The following SH3BP5 variants were observed in gnomAD, a reference collection of about 807,000 sequenced individuals.
SH3BP5 encodes SH3 domain-binding protein 5.
In SH3BP5, 22 loss-of-function variants were observed where a neutral mutation model predicts 43.3. The ratio of observed to expected loss-of-function variants is 0.51; its 90% confidence interval spans 0.36 to 0.73. The LOEUF (loss-of-function observed/expected upper bound fraction) is 0.73, where lower values mean the gene tolerates loss of function less well. Ranked by LOEUF, SH3BP5 falls within the 30% of genes least tolerant of loss-of-function variation. The probability of loss-of-function intolerance (pLI) is 0.00; values close to 1 mark genes in which losing one functional copy is unlikely to be tolerated. For synonymous variants in SH3BP5, 255 were observed against 225.8 expected (o/e 1.13, Z -1.16); for missense variants, 529 against 586.9 (o/e 0.90, Z 1.02).
chr3:15,284,776 G>A (rs961883903), intron 3 of SH3BP5, among the ~76,000 whole-genome samples: 6 of 152,194 alleles, frequency 3.9e-5, no homozygotes, highest in Non-Finnish European at 8.8e-5. Context: ...AACTCACTCT[G>A]CAACTCAGAA....
rs556547757 is a variant in SH3BP5, at chr3:15,330,835, G to T, written c.139-269C>A. The T allele has an allele frequency of 7.7e-5, 55 of 710,986 alleles. 1 individual carries two copies. The African/African-American group carries it at 9.4e-4, about 12-fold the overall frequency. 44.0% of individuals were successfully genotyped at this position (710,986 alleles called of 1,614,324 possible). On this transcript the variant is annotated intron_variant, in intron 1 of 8. Transcript: ENST00000383791. ...CAGAGGTCAACTATTCCAGGTACAT[G>T]CCTTCAGGTAAACCCCACCTGTTAC...
At chr3:15,306,136 C>T (rs562281411) in intron 2 of SH3BP5, among the ~76,000 whole-genome samples, 1 of 151,858 alleles carries the variant, frequency 6.6e-6, no homozygotes, top group South Asian at 2.1e-4. Context: ...ACGGGTGGAT[C>T]ATGAGGTCAG....
At chr3:15,325,238 T>C (rs1698430793) in intron 2 of SH3BP5, among the ~76,000 whole-genome samples, 1 of 152,226 alleles carries the variant, frequency 6.6e-6, no homozygotes, top group Admixed American at 6.5e-5. Context: ...ACCTATAAAA[T>C]AGGCATTTAA....
intron 2 of SH3BP5, among the ~76,000 whole-genome samples, chr3:15,321,618 C>T (rs975165609): frequency 7.1e-6 from 1 of 141,512 alleles, no homozygotes; most frequent in Non-Finnish European, 1.5e-5. Context: ...GAAATGAAAA[C>T]TAAAAATCAC....
At chr3:15,337,184 A>C (rs1212552643), upstream of SH3BP5, among the ~76,000 whole-genome samples, 1 of 145,042 alleles carries the variant, frequency 6.9e-6, no homozygotes, top group Non-Finnish European at 1.5e-5. Context: ...TCCTGGGTTC[A>C]AGCTATTCTC....
Position 15,258,836 on chromosome 3 carries a change from AT to A in SH3BP5, c.883del (p.Ile295PhefsTer48). 6.2e-7 allele frequency: 1 copy of A among 1,613,324 alleles called. No homozygotes were observed. Among genetic ancestry groups the A allele is most frequent in the Non-Finnish European group, 8.5e-7 (1 of 1,179,520 alleles). Reference sequence around the variant, plus strand: ...CAGTGGAGCCCCTGACTTACCAGAAATGGCATCAGGCTCAGGTTTGCTCCCT... The same window carrying A: ...CAGTGGAGCCCCTGACTTACCAGAAAGGCATCAGGCTCAGGTTTGCTCCCT... ...LPGSKPEPDA[I>X]SVASEAFEDD... is the part of the protein sequence containing the mutation. On this transcript the variant is annotated frameshift_variant, in exon 7 of 9. Coordinates refer to ENST00000383791, the MANE Select transcript of SH3BP5 (RefSeq NM_004844.5). LOFTEE classifies it high-confidence loss of function.
chr3:15,270,875 G>A (rs369722164), intron 3 of SH3BP5, among the ~76,000 whole-genome samples: 70 of 144,210 alleles, frequency 4.9e-4, no homozygotes, highest in African/African-American at 1.6e-3. Context: ...GCAGTGAGCC[G>A]AGATTGCACC....
chr3:15,279,339 G>A (rs1403240814), intron 3 of SH3BP5, among the ~76,000 whole-genome samples: 6 of 152,126 alleles, frequency 3.9e-5, no homozygotes, highest in Admixed American at 3.9e-4. Context: ...TCTATGGTAT[G>A]TATCTACCCT....
intron 1 of SH3BP5, among the ~76,000 whole-genome samples, chr3:15,340,792 C>T (rs1044856572): frequency 1.3e-5 from 2 of 151,962 alleles, no homozygotes; most frequent in African/African-American, 4.8e-5. Flanking sequence ...GTGGCTCACA[C>T]CTGTAATCCT....
intron 2 of SH3BP5, among the ~76,000 whole-genome samples, chr3:15,311,351 T>C (rs1698052782): frequency 6.6e-6 from 1 of 151,996 alleles, no homozygotes; most frequent in Non-Finnish European, 1.5e-5. Flanking sequence ...TCACCTGAGG[T>C]CAGGAGTTCG....
chr3:15,308,225 G>C (rs1237862858), intron 2 of SH3BP5, among the ~76,000 whole-genome samples: 1 of 152,200 alleles, frequency 6.6e-6, no homozygotes, highest in Non-Finnish European at 1.5e-5. Context: ...CCTTTGTGGA[G>C]AAAGAAGGAT....
intron 3 of SH3BP5, among the ~76,000 whole-genome samples, chr3:15,270,191 C>G (rs1266201463): frequency 1.3e-5 from 2 of 152,238 alleles, no homozygotes; most frequent in Non-Finnish European, 2.9e-5. Flanking sequence ...ACCCCACAGC[C>G]TTTCTCAGAA....
chr3:15,276,723 A>G (rs1696981285), intron 3 of SH3BP5, among the ~76,000 whole-genome samples: 1 of 152,186 alleles, frequency 6.6e-6, no homozygotes, highest in African/African-American at 2.4e-5. Flanking sequence ...AGCTCTCAAG[A>G]CCAGACCAAC....
chr3:15,304,393 A>C, intron 2 of SH3BP5, 162 bp from the exon 3 acceptor site: 1 of 1,102,484 alleles, frequency 9.1e-7, no homozygotes, highest in Non-Finnish European at 1.3e-6. Flanking sequence ...ACCGCCCAAA[A>C]CAGCTTCCTG....
chr3:15,262,376 C>T (rs777638123), intron 4 of SH3BP5, 87 bp from the exon 5 acceptor site: 14 of 1,466,318 alleles, frequency 9.5e-6, no homozygotes, highest in Middle Eastern at 3.8e-4. Context: ...AAAAAATATT[C>T]TTTGCCCGGG....
intron 4 of SH3BP5, among the ~76,000 whole-genome samples, chr3:15,269,149 T>C: frequency 6.6e-6 from 1 of 151,956 alleles, no homozygotes; most frequent in East Asian, 1.9e-4. Context: ...TATAATGACA[T>C]AAAACCCAGC....
In SH3BP5 at chr3:15,256,914, T is replaced by G; in HGVS notation, c.1089A>C (p.Pro363=). 1 of 1,614,092 alleles carries G rather than the reference T, an allele frequency of 6.2e-7. No individual in the cohort carries two copies. The highest frequency in any genetic ancestry group is 8.5e-7 in the Non-Finnish European group (1 of 1,179,988). The change falls in exon 8 of 9, where the codon CCA becomes CCC. Residue 363 remains proline, a synonymous_variant. Coordinates refer to ENST00000383791, the MANE Select transcript of SH3BP5 (RefSeq NM_004844.5). The stretch of plus-strand genomic sequence containing the variant: ...TGCATTCACTTCGAGGGCCCAACAC[T>G]GGGAACATCATCCCAAACTCTGACA... ...VSLSEFGMMF[P]VLGPRSECSG...
intron 2 of SH3BP5, among the ~76,000 whole-genome samples, chr3:15,326,375 T>C (rs1030126029): frequency 2.0e-5 from 3 of 152,206 alleles, no homozygotes; most frequent in Non-Finnish European, 4.4e-5. Flanking sequence ...CACAGACAAC[T>C]GCACCACAGC....
At chr3:15,267,022 T>G (rs899915637) in intron 4 of SH3BP5, among the ~76,000 whole-genome samples, 7 of 152,200 alleles carry the variant, frequency 4.6e-5, no homozygotes, top group African/African-American at 1.7e-4. Flanking sequence ...GACCCTTAAG[T>G]AATACTTTGG....
Sources: allele counts gnomAD v4.1 joint callset (sites outside exome capture counted in the v4.1 genomes callset), GRCh38; gene constraint gnomAD v4.1.1; transcripts MANE v1.5; gene names NCBI Gene and HGNC (gene_info 2026-07-23, HGNC 2026-07-21).